Variants in PDE1A observed in about 807,000 individuals in gnomAD.
PDE1A encodes the protein phosphodiesterase 1A, also known as dual specificity calcium/calmodulin-dependent 3',5'-cyclic nucleotide phosphodiesterase 1A.
Under a neutral mutation model 61.7 loss-of-function variants are expected in PDE1A, and 35 were observed. The observed-to-expected ratio is 0.57, with a 90% CI of 0.43 to 0.75. The LOEUF is 0.75. Among genes scored for constraint, PDE1A ranks in the 30% least tolerant of loss-of-function variants. The probability of loss-of-function intolerance (pLI) is 0.00; values close to 1 mark genes in which losing one functional copy is unlikely to be tolerated. For synonymous variants in PDE1A, 232 were observed against 213.2 expected (o/e 1.09, Z -0.77); for missense variants, 597 against 630.6 (o/e 0.95, Z 0.57).
the PDE1A span, among the ~76,000 whole-genome samples, chr2:182,553,857 G>T: frequency 3.3e-5 from 5 of 152,208 alleles, no homozygotes; most frequent in Non-Finnish European, 7.3e-5. Context: ...CTCTATAACA[G>T]ATTTAGGGGC....
chr2:182,515,484 G>C (rs977463842), intron 2 of PDE1A, among the ~76,000 whole-genome samples: 1 of 152,180 alleles, frequency 6.6e-6, no homozygotes, highest in African/African-American at 2.4e-5. Flanking sequence ...TATCTGATTA[G>C]AGTTCAATTT....
chr2:182,529,137 G>T, the PDE1A span, among the ~76,000 whole-genome samples: 1 of 152,190 alleles, frequency 6.6e-6, no homozygotes, highest in Non-Finnish European at 1.5e-5. Context: ...CGTGCACGTG[G>T]ATAGGTACCA....
At chr2:182,677,890 G>A in the PDE1A span, among the ~76,000 whole-genome samples, 9 of 152,106 alleles carry the variant, frequency 5.9e-5, no homozygotes, top group Non-Finnish European at 1.2e-4. Context: ...ATGTCTGACT[G>A]CCCATTTTAT....
At chr2:182,387,609 T>C (rs1411253204) in intron 1 of PDE1A, among the ~76,000 whole-genome samples, 1 of 151,660 alleles carries the variant, frequency 6.6e-6, no homozygotes, top group Non-Finnish European at 1.5e-5. Context: ...AATACAAAAT[T>C]AGCCAGGTGT....
the PDE1A span, among the ~76,000 whole-genome samples, chr2:182,568,303 C>T: frequency 2.2e-4 from 33 of 152,058 alleles, no homozygotes; most frequent in African/African-American, 7.0e-4. Context: ...TTTCTGATTT[C>T]CTTAGCTGTT....
chr2:182,513,379 A>G (rs1689931164), intron 2 of PDE1A, among the ~76,000 whole-genome samples: 1 of 152,254 alleles, frequency 6.6e-6, no homozygotes, highest in East Asian at 1.9e-4. Context: ...AAATAAAATC[A>G]TTTTCAGACA....
chr2:182,704,205 C>T, the PDE1A span, among the ~76,000 whole-genome samples: 3 of 119,566 alleles, frequency 2.5e-5, no homozygotes, highest in Admixed American at 1.0e-4. Context: ...AGAGACACTC[C>T]GTCTGGAAAA....
At chr2:182,671,776 C>T in the PDE1A span, among the ~76,000 whole-genome samples, 102 of 142,588 alleles carry the variant, frequency 7.2e-4, no homozygotes, top group East Asian at 4.4e-3. Flanking sequence ...CCTGCCACCA[C>T]GCCCGGCTAA....
chr2:182,249,803 G>T (rs1463567638), intron 2 of PDE1A, among the ~76,000 whole-genome samples: 2 of 148,192 alleles, frequency 1.3e-5, no homozygotes, highest in Non-Finnish European at 3.0e-5. Flanking sequence ...TCAGGCTTCA[G>T]AACTGTTTGA....
intron 1 of PDE1A, among the ~76,000 whole-genome samples, chr2:182,352,960 T>C (rs1464734363): frequency 4.6e-5 from 7 of 152,192 alleles, no homozygotes; most frequent in Non-Finnish European, 1.0e-4. Context: ...AAAAATTCAA[T>C]ACTTTAACAT....
intron 3 of PDE1A, among the ~76,000 whole-genome samples, chr2:182,237,482 AAAAAC>A (rs1428123575): frequency 6.6e-6 from 1 of 152,184 alleles, no homozygotes; most frequent in African/African-American, 2.4e-5. Flanking sequence ...CGTCTCAAAG[AAAAAC>A]AAAACAAACA....
the PDE1A span, among the ~76,000 whole-genome samples, chr2:182,681,847 C>T: frequency 1.2e-3 from 180 of 152,002 alleles, 3 homozygotes; most frequent in East Asian, 0.033. Flanking sequence ...GGGGTTTCAC[C>T]GTGTTAGCCA....
the PDE1A span, among the ~76,000 whole-genome samples, chr2:182,531,835 T>C: frequency 6.6e-6 from 1 of 152,180 alleles, no homozygotes; most frequent in Non-Finnish European, 1.5e-5. Context: ...TATCTCCTAA[T>C]ACTATCCCTC....
chr2:182,582,669 G>T, the PDE1A span, among the ~76,000 whole-genome samples: 1 of 152,178 alleles, frequency 6.6e-6, no homozygotes, highest in African/African-American at 2.4e-5. Context: ...GGAAGAGAGT[G>T]CCCTAGTGGG....
the PDE1A span, among the ~76,000 whole-genome samples, chr2:182,688,596 A>C: frequency 1.8e-4 from 27 of 152,302 alleles, no homozygotes; most frequent in Non-Finnish European, 2.6e-4. Flanking sequence ...AAAGACCATC[A>C]AGGCTAGGAA....
intron 13 of PDE1A, among the ~76,000 whole-genome samples, chr2:182,175,009 C>A (rs1484743753): frequency 3.0e-4 from 46 of 152,096 alleles, no homozygotes; most frequent in Non-Finnish European, 2.2e-4. Flanking sequence ...GTTTTCTGTT[C>A]CTGTGTTAGT....
chr2:182,282,941 A>T (rs2125857367), intron 1 of PDE1A, among the ~76,000 whole-genome samples: 1 of 152,148 alleles, frequency 6.6e-6, no homozygotes, highest in South Asian at 2.1e-4. Context: ...CATACTGTTG[A>T]ATCACAGAAG....
At chr2:182,349,982 G>A (rs2577652) in intron 1 of PDE1A, among the ~76,000 whole-genome samples, 148,416 of 152,250 alleles carry the variant, frequency 0.97, 72,469 homozygotes, top group East Asian at 1. Flanking sequence ...AGCTTTTCTA[G>A]ATTAACACTG....
At chr2:182,331,426 C>T (rs1697400974) in intron 1 of PDE1A, among the ~76,000 whole-genome samples, 2 of 152,150 alleles carry the variant, frequency 1.3e-5, no homozygotes, top group Admixed American at 6.5e-5. Context: ...ATAGTTGACG[C>T]AGTTTCTTCA....
Sources: allele counts gnomAD v4.1 joint callset (sites outside exome capture counted in the v4.1 genomes callset), GRCh38; gene constraint gnomAD v4.1.1; transcripts MANE v1.5; gene names NCBI Gene and HGNC (gene_info 2026-07-23, HGNC 2026-07-21).